Variants in CNTNAP2 observed in about 807,000 individuals in gnomAD.
CNTNAP2 encodes contactin-associated protein-like 2.
CNTNAP2 carries 98 observed loss-of-function variants against 155.2 expected under a neutral mutation model. The ratio of observed to expected loss-of-function variants is 0.63; its 90% CI spans 0.54 to 0.75. CNTNAP2 has a LOEUF of 0.75. Ranked by LOEUF, CNTNAP2 falls within the 30% of genes least tolerant of loss-of-function variation. The pLI, the probability that CNTNAP2 is intolerant of heterozygous loss-of-function variation, is 0.00. For missense variants in CNTNAP2, 1,727 were observed against 1,688.1 expected (o/e 1.02, Z -0.40); for synonymous variants, 651 against 631.2 (o/e 1.03, Z -0.47).
intron 1 of CNTNAP2, among the ~76,000 whole-genome samples, chr7:146,635,983 T>G (rs1236449149): frequency 6.6e-6 from 1 of 152,152 alleles, no homozygotes; most frequent in Admixed American, 6.6e-5. Context: ...GCTTGCTCAC[T>G]TTAGCAAACT....
chr7:148,255,995 A>C (rs557295617), intron 20 of CNTNAP2, among the ~76,000 whole-genome samples: 2 of 152,250 alleles, frequency 1.3e-5, no homozygotes, highest in African/African-American at 4.8e-5. Context: ...GATAAACTAC[A>C]TCTCTGAGGC....
At chr7:147,289,440 G>T (rs905250894) in intron 8 of CNTNAP2, among the ~76,000 whole-genome samples, 10 of 151,308 alleles carry the variant, frequency 6.6e-5, no homozygotes, top group African/African-American at 2.4e-4. Context: ...GGGAGAGTGA[G>T]AAATAAAGAG....
At chr7:147,331,357 G>A (rs1465285549) in intron 9 of CNTNAP2, among the ~76,000 whole-genome samples, 1 of 152,080 alleles carries the variant, frequency 6.6e-6, no homozygotes, top group Non-Finnish European at 1.5e-5. Context: ...ACATTTGGAA[G>A]TAAAGATAAA....
At chr7:146,380,175 G>C (rs1373638695) in intron 1 of CNTNAP2, among the ~76,000 whole-genome samples, 1 of 152,114 alleles carries the variant, frequency 6.6e-6, no homozygotes, top group Admixed American at 6.5e-5. Flanking sequence ...TAATGATTTT[G>C]CATTTTAACT....
At chr7:146,806,965 A>T (rs1337511851) in intron 2 of CNTNAP2, among the ~76,000 whole-genome samples, 2 of 152,320 alleles carry the variant, frequency 1.3e-5, no homozygotes, top group East Asian at 1.9e-4. Context: ...TAATATTTTT[A>T]AAAATGTTTG....
intron 15 of CNTNAP2, among the ~76,000 whole-genome samples, chr7:147,983,122 G>GACA (rs1801560957): frequency 2.0e-5 from 3 of 151,484 alleles, no homozygotes; most frequent in Non-Finnish European, 2.9e-5. Flanking sequence ...GGGCGCACAT[G>GACA]GCAGTAACTC....
At chr7:146,711,788 T>G in intron 1 of CNTNAP2, among the ~76,000 whole-genome samples, 1 of 128,902 alleles carries the variant, frequency 7.8e-6, no homozygotes, top group African/African-American at 2.5e-5. Context: ...ATCTTATGTA[T>G]ACATATATAG....
chr7:148,307,184 C>G (rs182126599), intron 21 of CNTNAP2, among the ~76,000 whole-genome samples: 55 of 152,310 alleles, frequency 3.6e-4, no homozygotes, highest in Non-Finnish European at 2.9e-4. Context: ...CGTCCTATGC[C>G]TAGAGTCCTC....
chr7:147,389,931 A>T (rs900534173), intron 9 of CNTNAP2, among the ~76,000 whole-genome samples: 1 of 152,148 alleles, frequency 6.6e-6, no homozygotes, highest in Admixed American at 6.5e-5. Context: ...ATAGCTATTC[A>T]TTTCTGACCC....
At chr7:146,703,627 G>A (rs567939804) in intron 1 of CNTNAP2, among the ~76,000 whole-genome samples, 3 of 152,196 alleles carry the variant, frequency 2.0e-5, no homozygotes, top group African/African-American at 7.2e-5. Flanking sequence ...CCTGGTGAGG[G>A]CTTGTTCCCT....
chr7:146,530,499 C>T (rs1393393118), intron 1 of CNTNAP2, among the ~76,000 whole-genome samples: 1 of 152,092 alleles, frequency 6.6e-6, no homozygotes, highest in Non-Finnish European at 1.5e-5. Context: ...AGTCTAATAT[C>T]CGTAATCTAT....
intron 2 of CNTNAP2, among the ~76,000 whole-genome samples, chr7:146,781,378 T>A (rs1802486404): frequency 6.6e-6 from 1 of 151,952 alleles, no homozygotes; most frequent in Non-Finnish European, 1.5e-5. Context: ...AGCCATAGTT[T>A]CCAGTTTAAT....
chr7:148,011,033 AT>A (rs1802071506), intron 15 of CNTNAP2, among the ~76,000 whole-genome samples: 1 of 152,114 alleles, frequency 6.6e-6, no homozygotes, highest in African/African-American at 2.4e-5. Context: ...ACTTTTTCTA[AT>A]GATTGCTGAT....
intron 15 of CNTNAP2, among the ~76,000 whole-genome samples, chr7:148,108,516 C>A (rs970070843): frequency 1.3e-5 from 2 of 152,150 alleles, no homozygotes; most frequent in African/African-American, 4.8e-5. Context: ...GTGACCGCTG[C>A]AGGCTTAGCT....
intron 21 of CNTNAP2, among the ~76,000 whole-genome samples, chr7:148,321,344 G>A (rs1797787648): frequency 1.3e-5 from 2 of 152,170 alleles, no homozygotes; most frequent in African/African-American, 4.8e-5. Flanking sequence ...GAAAGGGTTT[G>A]GCTCTGATTC....
At chr7:146,497,694 G>T (rs1241255298) in intron 1 of CNTNAP2, among the ~76,000 whole-genome samples, 10 of 151,330 alleles carry the variant, frequency 6.6e-5, no homozygotes, top group East Asian at 1.9e-4. Flanking sequence ...AATATTTTTT[G>T]ATGTGATTTC....
chr7:147,281,463 A>C (rs1293534810), intron 8 of CNTNAP2, among the ~76,000 whole-genome samples: 2 of 151,762 alleles, frequency 1.3e-5, no homozygotes, highest in African/African-American at 4.8e-5. Flanking sequence ...CATAGTATTG[A>C]ATAATTGAAT....
intron 3 of CNTNAP2, among the ~76,000 whole-genome samples, chr7:146,930,278 A>T (rs1215432774): frequency 6.6e-6 from 1 of 152,200 alleles, no homozygotes; most frequent in East Asian, 1.9e-4. Flanking sequence ...AGTGGGGGCC[A>T]ATATGCAACA....
At chr7:147,487,830 C>T (rs1057236507) in intron 11 of CNTNAP2, among the ~76,000 whole-genome samples, 1 of 152,214 alleles carries the variant, frequency 6.6e-6, no homozygotes, top group East Asian at 1.9e-4. Flanking sequence ...TGGCCAGCTC[C>T]AAAGGTAAAA....
Sources: gnomAD v4.1 joint callset for allele counts (sites outside exome capture counted in the v4.1 genomes callset) on GRCh38, gnomAD v4.1.1 for gene constraint, MANE v1.5 for transcripts, NCBI Gene and HGNC (gene_info 2026-07-23, HGNC 2026-07-21) for gene names.